The following LARGE1 variants were observed in gnomAD, a reference collection of about 807,000 sequenced individuals.
LARGE1 encodes the protein xylosyl- and glucuronyltransferase LARGE1.
A neutral mutation model predicts 87.6 loss-of-function variants in LARGE1; 43 were observed. That is an observed-to-expected ratio of 0.49 (90% CI 0.38 to 0.63). LARGE1 has a LOEUF of 0.63. Ranked by LOEUF, LARGE1 falls within the 30% of genes least tolerant of loss-of-function variation. The pLI, the probability that LARGE1 is intolerant of heterozygous loss-of-function variation, is 0.00. For synonymous variants in LARGE1, 434 were observed against 394.6 expected (o/e 1.10, Z -1.18); for missense variants, 802 against 1,000.2 (o/e 0.80, Z 2.67).
At chr22:33,288,191 T>C (rs191921270) in intron 12 of LARGE1, among the ~76,000 whole-genome samples, 24 of 152,324 alleles carry the variant, frequency 1.6e-4, no homozygotes, top group Non-Finnish European at 3.1e-4. Context: ...CTGCAATTAC[T>C]TTTGCACCAA....
At chr22:33,292,820 C>T (rs1932783201) in intron 12 of LARGE1, among the ~76,000 whole-genome samples, 1 of 152,176 alleles carries the variant, frequency 6.6e-6, no homozygotes, top group South Asian at 2.1e-4. Flanking sequence ...ATCTTAATTC[C>T]ACTACTTCCC....
rs1460162543 is a variant in LARGE1, at chr22:33,572,276, G to A, written c.616-7257C>T. The A allele has an allele frequency of 1.2e-5, 13 of 1,060,974 alleles. No individual in the cohort carries two copies. In the African/African-American group the frequency reaches 2.2e-4, roughly 18 times the overall value. 65.7% of individuals were successfully genotyped at this position (1,060,974 alleles called of 1,614,324 possible). On this transcript the variant is annotated intron_variant, in intron 5 of 14. Coordinates refer to ENST00000397394, the MANE Select transcript of LARGE1 (RefSeq NM_133642.5). ...CATGTTGTTTCTGAGTGGTTGTCTTGGCAACCAACCTATATGTTCAGAGTA... is the reference window on the plus strand; with the variant it reads ...CATGTTGTTTCTGAGTGGTTGTCTTAGCAACCAACCTATATGTTCAGAGTA...
chr22:33,304,520 G>T lies in LARGE1; in HGVS notation c.1452-13C>A. 6.4e-7 allele frequency: 1 copy of T among 1,571,820 alleles called. No homozygotes were observed. On this transcript the variant is annotated splice_polypyrimidine_tract_variant and intron_variant, in intron 11 of 14. Coordinates refer to ENST00000397394, the MANE Select transcript of LARGE1 (RefSeq NM_133642.5). ...CAGCATCTGGAGCCTGGAAGAGACA[G>T]GGAGGGTGAGCCGCGGGACCTGGGC...
At position 33,273,788 on chromosome 22, in the gene LARGE1, A is replaced by T. The variant is rs373361875; in HGVS notation, c.*639T>A. 3 of 397,092 alleles carry T rather than the reference A, an allele frequency of 7.6e-6. No individual in the cohort carries two copies. Among genetic ancestry groups the T allele is most frequent in the African/African-American group, 6.3e-5 (3 of 47,836 alleles). 24.6% of individuals were successfully genotyped at this position (397,092 alleles called of 1,614,324 possible). A position where few individuals can be genotyped will look rare whatever the true frequency, so the allele number is the denominator to read the frequency against. ...TTTTCTATTTTGGATTGCCAGCCCC[A>T]AAAATAAACAAAACCCCCAAAGAAA... On this transcript the variant is annotated 3_prime_UTR_variant, in exon 15 of 15. Transcript: ENST00000397394.
intron 12 of LARGE1, among the ~76,000 whole-genome samples, chr22:33,295,912 C>A (rs1249522770): frequency 6.6e-6 from 1 of 152,172 alleles, no homozygotes; most frequent in Non-Finnish European, 1.5e-5. Context: ...GAGGAAGAAC[C>A]TGTCAGTCAG....
At chr22:33,250,811 T>C (rs1171729493) in intron 11 of LARGE1, among the ~76,000 whole-genome samples, 1 of 152,248 alleles carries the variant, frequency 6.6e-6, no homozygotes, top group Non-Finnish European at 1.5e-5. Flanking sequence ...CATTAATTGA[T>C]TTCAAATTGA....
intron 11 of LARGE1, among the ~76,000 whole-genome samples, chr22:33,193,206 G>T (rs1022766413): frequency 6.6e-6 from 1 of 152,164 alleles, no homozygotes; most frequent in East Asian, 1.9e-4. Context: ...GTATAGTTTA[G>T]TTAATTTCTG....
intron 1 of LARGE1, among the ~76,000 whole-genome samples, chr22:33,848,784 C>A (rs1316382648): frequency 6.6e-6 from 1 of 152,214 alleles, no homozygotes; most frequent in African/African-American, 2.4e-5. Context: ...GAGAGAGGGA[C>A]CTGGGGTCAG....
chr22:33,500,042 G>A (rs974679708), intron 6 of LARGE1, among the ~76,000 whole-genome samples: 1 of 152,102 alleles, frequency 6.6e-6, no homozygotes, highest in African/African-American at 2.4e-5. Context: ...CCAAAGTGCT[G>A]GGATTACAAG....
intron 12 of LARGE1, among the ~76,000 whole-genome samples, chr22:33,286,814 G>A (rs1338521516): frequency 3.9e-5 from 6 of 152,180 alleles, no homozygotes; most frequent in Non-Finnish European, 4.4e-5. Flanking sequence ...ATTATCATCA[G>A]TTGCTATAGG....
chr22:33,481,511 T>A (rs1380891450), intron 6 of LARGE1, among the ~76,000 whole-genome samples: 1 of 152,208 alleles, frequency 6.6e-6, no homozygotes, highest in African/African-American at 2.4e-5. Flanking sequence ...CAAACAAAAA[T>A]TTAATGGTGT....
chr22:33,408,627 A>G (rs538019980), intron 7 of LARGE1, among the ~76,000 whole-genome samples: 16 of 152,280 alleles, frequency 1.1e-4, no homozygotes, highest in Middle Eastern at 3.4e-3. Flanking sequence ...TGAGCCCACA[A>G]AACTTTTATT....
intron 2 of LARGE1, among the ~76,000 whole-genome samples, chr22:33,722,348 A>AGGGAGAGGGAGAGGAGAGGAGGGAGG (rs2149444989): frequency 9.6e-6 from 1 of 103,664 alleles, no homozygotes; most frequent in Admixed American, 9.8e-5. Flanking sequence ...AGAGGAGAGG[A>AGGGAGAGGGAGAGGAGAGGAGGGAGG]GGGAGAGGGA....
At chr22:33,230,499 A>C (rs1925955992) in intron 11 of LARGE1, among the ~76,000 whole-genome samples, 3 of 152,246 alleles carry the variant, frequency 2.0e-5, no homozygotes, top group Admixed American at 2.0e-4. Flanking sequence ...CAGTATTTAT[A>C]AACCTAGAAT....
At chr22:33,906,223 G>A (rs1404855442) in intron 1 of LARGE1, among the ~76,000 whole-genome samples, 1 of 152,192 alleles carries the variant, frequency 6.6e-6, no homozygotes, top group South Asian at 2.1e-4. Flanking sequence ...CCGTGGACCA[G>A]ACAGGGATCA....
At chr22:33,725,949 G>A (rs12168206) in intron 2 of LARGE1, among the ~76,000 whole-genome samples, 1 of 152,154 alleles carries the variant, frequency 6.6e-6, no homozygotes, top group Non-Finnish European at 1.5e-5. Flanking sequence ...CAAATCAGGG[G>A]AGAGATGCTG....
intron 6 of LARGE1, among the ~76,000 whole-genome samples, chr22:33,550,979 A>C (rs181663301): frequency 1.3e-3 from 201 of 152,330 alleles, no homozygotes; most frequent in Middle Eastern, 3.4e-3. Flanking sequence ...TCTCATTTAT[A>C]AATGGGAGCT....
At chr22:33,375,020 A>G (rs374403278) in intron 9 of LARGE1, among the ~76,000 whole-genome samples, 23 of 152,332 alleles carry the variant, frequency 1.5e-4, no homozygotes, top group Middle Eastern at 3.4e-3. Context: ...CTTTAAGATC[A>G]ATGGACTAAA....
In LARGE1 at chr22:33,277,110, C is replaced by T; in HGVS notation, c.2023G>A (p.Val675Ile). 1.9e-6 allele frequency: 3 copies of T among 1,614,242 alleles called. No homozygotes were observed. Among genetic ancestry groups the T allele is most frequent in the Non-Finnish European group, 2.5e-6 (3 of 1,180,034 alleles). ...GCCACTTTGTTCCAGCCAAAGCCTACAAACCTCCGGTCGTACTCCGGGCAG... is the reference window on the plus strand; with the variant it reads ...GCCACTTTGTTCCAGCCAAAGCCTATAAACCTCCGGTCGTACTCCGGGCAG... ...RDCPEYDRRF[V>I]GFGWNKVAHI... is the part of the protein sequence containing the mutation. Residue 675 changes from valine (V) to isoleucine (I), a missense_variant, in exon 14 of 15, where the codon GTA (valine) becomes ATA (isoleucine). Val to Ile is a conservative substitution (Grantham distance 29, BLOSUM62 3). Around this residue, in one of 2 missense-constraint regions of LARGE1, gnomAD observed 625 missense variants for 841.9 expected, o/e 0.74. Coordinates refer to ENST00000397394, the MANE Select transcript of LARGE1 (RefSeq NM_133642.5).
Sources: allele counts gnomAD v4.1 joint callset (sites outside exome capture counted in the v4.1 genomes callset), GRCh38; gene constraint gnomAD v4.1.1; regional missense constraint gnomAD v4.1.1; transcripts MANE v1.5; gene names NCBI Gene and HGNC (gene_info 2026-07-23, HGNC 2026-07-21).